SBNO2: variants seen among roughly 807,000 people sequenced by gnomAD.
The protein encoded by SBNO2 is strawberry notch homolog 2.
SBNO2 carries 89 observed loss-of-function variants against 146.3 expected under a neutral mutation model. That is an observed-to-expected ratio of 0.61 (90% CI 0.51 to 0.73). The LOEUF (loss-of-function observed/expected upper bound fraction) is 0.73, where lower values mean the gene tolerates loss of function less well. SBNO2 is among the 30% of genes least tolerant of loss of function. The pLI is 0.00. For missense variants in SBNO2, 2,092 were observed against 2,003.7 expected (o/e 1.04, Z -0.84); for synonymous variants, 1,147 against 892.6 (o/e 1.29, Z -5.08).
rs76734507 is a variant in SBNO2 at position 1,136,308 on chromosome 19, C to T, written c.280-8543G>A. On this transcript the variant is annotated intron_variant, in intron 4 of 31. Coordinates refer to ENST00000361757, the MANE Select transcript of SBNO2 (RefSeq NM_014963.3). The surrounding 1 kb of genome is among the most constrained non-coding windows in gnomAD (Gnocchi z 4.2). ...TCACAGCAGCCCTGGGAGGCTGGCA[C>T]GGCTCCCCAGGAAACTGGGCTCCCT... 0.04 allele frequency among the ~76,000 whole-genome samples: 6,167 copies of T among 152,308 alleles called. 203 individuals are homozygous for T. Among genetic ancestry groups the T allele is most frequent in the East Asian group, 0.16 (812 of 5,174 alleles).
At chr19:1,152,543 G>T (rs561471866) in intron 2 of SBNO2, among the ~76,000 whole-genome samples, 1 of 152,046 alleles carries the variant, frequency 6.6e-6, no homozygotes, top group Admixed American at 6.6e-5. Flanking sequence ...GAGCTCCACC[G>T]GGGCAGCTGT....
chr19:1,127,244 TTC>T (rs1263025472), intron 5 of SBNO2, among the ~76,000 whole-genome samples: 1 of 152,148 alleles, frequency 6.6e-6, no homozygotes, highest in Non-Finnish European at 1.5e-5. Context: ...CTTCCTGTGC[TTC>T]TCTAGACCAG....
chr19:1,127,376 A>G, intron 5 of SBNO2: 1 of 588,934 alleles, frequency 1.7e-6, no homozygotes, highest in Non-Finnish European at 3.0e-6. Context: ...AGCACCGCCC[A>G]GATGTGGTAG....
rs1184641780 is a variant in SBNO2 at position 1,112,832 on chromosome 19, T to C, written c.2365A>G (p.Met789Val). Residue 789 changes from methionine (M) to valine (V), a missense_variant, in exon 20 of 32, where the codon ATG becomes GTG. Coordinates refer to ENST00000361757, the MANE Select transcript of SBNO2 (RefSeq NM_014963.3). The surrounding 1 kb of genome is among the most constrained non-coding windows in gnomAD (Gnocchi z 5.9). The part of the protein sequence containing the change: ...HVNLREKQRF[M>V]SGEKLVAIIS... ...CAGCCCCGCACCTTCTCGCCGCTCATGAAGCGCTGCTTCTCCCTGAGGTTC... is the reference window on the plus strand; with the variant it reads ...CAGCCCCGCACCTTCTCGCCGCTCACGAAGCGCTGCTTCTCCCTGAGGTTC... 2.5e-6 allele frequency: 4 copies of C among 1,574,272 alleles called. No homozygotes were observed. The highest frequency in any genetic ancestry group is 1.8e-5 in the Admixed American group (1 of 54,352).
chr19:1,131,250 C>T (rs768536440), intron 4 of SBNO2, among the ~76,000 whole-genome samples: 5 of 152,210 alleles, frequency 3.3e-5, no homozygotes, highest in Non-Finnish European at 7.3e-5. Flanking sequence ...CCCCAGGGAA[C>T]CGGGCCCCTC....
chr19:1,109,207 G>A lies in SBNO2; in HGVS notation c.3353C>T (p.Thr1118Ile), dbSNP rs750855118. The A allele has an allele frequency of 6.4e-7, 1 of 1,567,680 alleles. No individual in the cohort carries two copies. ...CCAGGGCTCCTTGGCCTCCTCCGCG[G>A]TGACCTAGGGACACAGGGCCGCATG... Reference protein sequence around the residue: ...DSLRRKFHRVTAEEAKEPWES... With the variant: ...DSLRRKFHRVIAEEAKEPWES... The change falls in exon 30 of 32, where the codon ACC becomes ATC. Residue 1118 changes from threonine (T) to isoleucine (I), a missense_variant. Thr to Ile is a moderately conservative substitution (Grantham distance 89). Transcript: ENST00000361757. The surrounding 1 kb of genome is among the most constrained non-coding windows in gnomAD (Gnocchi z 4.2).
rs1359337450 is a variant in SBNO2 at position 1,158,062 on chromosome 19, C to T, written c.-126-3660G>A. Among the ~76,000 whole-genome samples, 4 of 147,052 alleles carry T rather than the reference C, an allele frequency of 2.7e-5. No individual in the cohort carries two copies. Among genetic ancestry groups the T allele is most frequent in the Non-Finnish European group, 6.2e-5 (4 of 64,542 alleles). Reference sequence around the variant, plus strand: ...TCTCTCTCCTGAGTCCGGGTAACTGCGGCCGCCTCCCGCCTCTTTCTTCTG... The same window carrying T: ...TCTCTCTCCTGAGTCCGGGTAACTGTGGCCGCCTCCCGCCTCTTTCTTCTG... On this transcript the variant is annotated intron_variant, in intron 1 of 31. Coordinates refer to ENST00000361757, the MANE Select transcript of SBNO2 (RefSeq NM_014963.3). This position sits in a 1 kb window ranked among gnomAD's most constrained non-coding sequence, Gnocchi z 9.9.
chr19:1,147,202 C>T, intron 4 of SBNO2, 107 bp downstream of exon 4: 1 of 726,368 alleles, frequency 1.4e-6, no homozygotes, highest in Non-Finnish European at 2.3e-6. Flanking sequence ...AAGCCGAGGT[C>T]ACTGAGTCCC....
chr19:1,163,225 CCT>C (rs1555728509), intron 1 of SBNO2, among the ~76,000 whole-genome samples: 1 of 152,154 alleles, frequency 6.6e-6, no homozygotes, highest in Non-Finnish European at 1.5e-5. Flanking sequence ...GGTCTGTGTC[CCT>C]GTTAACAACT....
At position 1,112,386 on chromosome 19, in the gene SBNO2, G is replaced by A. The variant is rs756392004; in HGVS notation, c.2515+16C>T. 9.4e-6 allele frequency: 15 copies of A among 1,592,162 alleles called. No homozygotes were observed. In the East Asian group the frequency reaches 2.5e-4, roughly 26 times the overall value. On this transcript the variant is annotated intron_variant, in intron 21 of 31. Coordinates refer to ENST00000361757, the MANE Select transcript of SBNO2 (RefSeq NM_014963.3). The surrounding 1 kb of genome is among the most constrained non-coding windows in gnomAD (Gnocchi z 5.9). ...GGGGCGGGGCCAGGCAGCGCTGGGG[G>A]CGGGGCCGGACTCACCGAACTGCTG...
intron 11 of SBNO2, among the ~76,000 whole-genome samples, chr19:1,121,281 C>A (rs1213377531): frequency 6.6e-6 from 1 of 152,338 alleles, no homozygotes; most frequent in East Asian, 1.9e-4. Flanking sequence ...AACGGCCGGC[C>A]CTGCCGCCAC....
rs949529725 is a variant in SBNO2 at position 1,136,062 on chromosome 19, G to C, written c.280-8297C>G. On this transcript the variant is annotated intron_variant, in intron 4 of 31. Transcript: ENST00000361757. This position sits in a 1 kb window ranked among gnomAD's most constrained non-coding sequence, Gnocchi z 4.2. ...CTGGCCGAGCGGGTGTTCTGTGCCT[G>C]GTGTCCTCATTCGAAGGAGACACAG... 1.3e-5 allele frequency among the ~76,000 whole-genome samples: 2 copies of C among 152,054 alleles called. No homozygotes were observed. Among genetic ancestry groups the C allele is most frequent in the Non-Finnish European group, 2.9e-5 (2 of 67,984 alleles).
intron 5 of SBNO2, among the ~76,000 whole-genome samples, chr19:1,127,017 A>C (rs1306702182): frequency 6.6e-6 from 1 of 151,970 alleles, no homozygotes; most frequent in East Asian, 1.9e-4. Flanking sequence ...CTCAGCCCCC[A>C]CGGACAATGT....
chr19:1,141,243 C>T (rs2080134631), intron 4 of SBNO2, among the ~76,000 whole-genome samples: 1 of 151,662 alleles, frequency 6.6e-6, no homozygotes, highest in Non-Finnish European at 1.5e-5. Context: ...TAGACAGAGT[C>T]TTGCTCTGTC....
intron 15 of SBNO2, among the ~76,000 whole-genome samples, 164 bp from the exon 16 acceptor site, chr19:1,117,090 G>C (rs1434453583): frequency 6.6e-6 from 1 of 152,130 alleles, no homozygotes; most frequent in Non-Finnish European, 1.5e-5. Flanking sequence ...GCTGGGTGGG[G>C]GTCTGCCGGC....
intron 4 of SBNO2, chr19:1,132,282 T>C: frequency 7.6e-7 from 1 of 1,311,628 alleles, no homozygotes; most frequent in Non-Finnish European, 9.7e-7. Context: ...GTCGGTTTAG[T>C]CACCGCCGCC....
At chr19:1,128,061 C>T (rs990890078) in intron 4 of SBNO2, 6 of 533,294 alleles carry the variant, frequency 1.1e-5, no homozygotes, top group Admixed American at 2.7e-5. Context: ...AGTGATCTGC[C>T]TGCTTCGGCA....
chr19:1,170,030 C>A (rs1428333031), intron 1 of SBNO2, among the ~76,000 whole-genome samples: 1 of 152,226 alleles, frequency 6.6e-6, no homozygotes, highest in African/African-American at 2.4e-5. Context: ...TGTGGACTGC[C>A]CTGCTCTGCA....
At chr19:1,143,597 C>G (rs190613814) in intron 4 of SBNO2, among the ~76,000 whole-genome samples, 4 of 152,338 alleles carry the variant, frequency 2.6e-5, no homozygotes, top group Non-Finnish European at 5.9e-5. Flanking sequence ...AGGGGAAAAC[C>G]CAGTTCCTGC....
Sources: allele counts gnomAD v4.1 joint callset (sites outside exome capture counted in the v4.1 genomes callset), GRCh38; gene constraint gnomAD v4.1.1; non-coding constraint Gnocchi (gnomAD v3.1); transcripts MANE v1.5; gene names NCBI Gene and HGNC (gene_info 2026-07-23, HGNC 2026-07-21).